Variants in SPAG16 observed in about 807,000 individuals in gnomAD.
The protein encoded by SPAG16 is sperm-associated antigen 16 protein.
A neutral mutation model predicts 80.4 loss-of-function variants in SPAG16; 86 were observed. The ratio of observed to expected loss-of-function variants is 1.07; its 90% confidence interval spans 0.90 to 1.28. The LOEUF is 1.28. Among genes scored for constraint, SPAG16 ranks in the 50% most tolerant of loss-of-function variants. The pLI, the probability that SPAG16 is intolerant of heterozygous loss-of-function variation, is 0.00. For missense variants in SPAG16, 870 were observed against 765.3 expected, an observed-to-expected ratio of 1.14 and a Z score of -1.61; for synonymous variants, 294 against 265.9, an observed-to-expected ratio of 1.11 and a Z score of -1.03.
intron 10 of SPAG16, among the ~76,000 whole-genome samples, chr2:213,639,804 A>G (rs555114292): frequency 6.6e-6 from 1 of 152,104 alleles, no homozygotes; most frequent in Non-Finnish European, 1.5e-5. Context: ...TAGGCCAGGG[A>G]TGTTTTCCTT....
intron 12 of SPAG16, among the ~76,000 whole-genome samples, chr2:213,982,528 A>G (rs540039306): frequency 2.6e-5 from 4 of 152,176 alleles, no homozygotes; most frequent in African/African-American, 7.2e-5. Flanking sequence ...AGGAATGATA[A>G]CAATGACTAT....
rs374274176 is a variant in SPAG16, at chr2:213,980,725, T to TATATATATATATATAGAGAGAGAG, written c.1401-33225_1401-33224insTATATATATATATAGAGAGAGAGA. 2.5e-3 allele frequency among the ~76,000 whole-genome samples: 263 copies of TATATATATATATATAGAGAGAGAG among 103,862 alleles called. 2 individuals carry two copies. Among genetic ancestry groups the TATATATATATATATAGAGAGAGAG allele is most frequent in the Middle Eastern group, 4.8e-3 (1 of 208 alleles). The allele number at this position is 103,862 out of a possible 152,430, so 68.1% of individuals were successfully genotyped here. A position where few individuals can be genotyped will look rare whatever the true frequency, so the allele number is the denominator to read the frequency against. On this transcript the variant is annotated intron_variant, in intron 12 of 15. Coordinates refer to ENST00000331683, the MANE Select transcript of SPAG16 (RefSeq NM_024532.5). ...GTGTGTGTGTGTGTATATATATATA[T>TATATATATATATATAGAGAGAGAG]AGAGAGAGAGAGAGAGAGAGAGAGA...
At chr2:214,059,194 A>C (rs1259788450) in intron 13 of SPAG16, among the ~76,000 whole-genome samples, 8 of 27,236 alleles carry the variant, frequency 2.9e-4, no homozygotes, top group African/African-American at 1.1e-3. Context: ...GTCTATATAT[A>C]TATATATATA....
chr2:214,035,252 G>T (rs1484828521), intron 13 of SPAG16, among the ~76,000 whole-genome samples: 1 of 152,162 alleles, frequency 6.6e-6, no homozygotes, highest in African/African-American at 2.4e-5. Context: ...CCTGAATAAA[G>T]CACAAGTTCC....
chr2:214,124,805 A>G (rs916852836), intron 14 of SPAG16, among the ~76,000 whole-genome samples: 1 of 151,738 alleles, frequency 6.6e-6, no homozygotes, highest in Non-Finnish European at 1.5e-5. Flanking sequence ...CTCTGCAGGG[A>G]AACTGTTTTA....
chr2:213,742,375 A>G (rs920100656), intron 10 of SPAG16, among the ~76,000 whole-genome samples: 2 of 151,996 alleles, frequency 1.3e-5, no homozygotes, highest in African/African-American at 4.8e-5. Context: ...ACTATTGTAT[A>G]TTTTAATTTC....
rs112962805 is a variant in SPAG16, at chr2:213,537,443, G to C, written c.1070+47353G>C. Among the ~76,000 whole-genome samples the C allele has an allele frequency of 7.9e-4, 120 of 151,626 alleles. 2 individuals carry two copies. Among genetic ancestry groups the C allele is most frequent in the Middle Eastern group, 3.4e-3 (1 of 294 alleles). ...TATTTAAGACAATTCATACATTGTT[G>C]TGTTATTTTATTAAAATGATCACAT... On this transcript the variant is annotated intron_variant, in intron 10 of 15. Coordinates refer to ENST00000331683, the MANE Select transcript of SPAG16 (RefSeq NM_024532.5).
At chr2:214,241,931 T>C (rs557644697) in intron 15 of SPAG16, among the ~76,000 whole-genome samples, 1 of 152,298 alleles carries the variant, frequency 6.6e-6, no homozygotes, top group South Asian at 2.1e-4. Context: ...GCTAATAGTA[T>C]TGAAACTTCT....
intron 13 of SPAG16, among the ~76,000 whole-genome samples, chr2:214,106,179 A>G (rs2053373377): frequency 6.6e-6 from 1 of 152,194 alleles, no homozygotes; most frequent in Non-Finnish European, 1.5e-5. Context: ...TTGTAAAAAT[A>G]TTACCACTCA....
intron 12 of SPAG16, among the ~76,000 whole-genome samples, chr2:213,978,957 G>A (rs1177997720): frequency 6.6e-6 from 1 of 151,348 alleles, no homozygotes; most frequent in Non-Finnish European, 1.5e-5. Context: ...TCCTCGGGAA[G>A]TAATAACAGA....
At chr2:213,932,697 G>A (rs1005281913) in intron 12 of SPAG16, among the ~76,000 whole-genome samples, 6 of 152,008 alleles carry the variant, frequency 3.9e-5, no homozygotes, top group African/African-American at 1.5e-4. Context: ...GCAATACTTG[G>A]TAAGACCATC....
intron 10 of SPAG16, among the ~76,000 whole-genome samples, chr2:213,730,223 CA>C (rs1245853010): frequency 6.6e-6 from 1 of 152,176 alleles, no homozygotes; most frequent in African/African-American, 2.4e-5. Flanking sequence ...ATTGTAACAC[CA>C]ACTAGGGAAA....
chr2:214,318,665 C>G (rs144680008), intron 15 of SPAG16, among the ~76,000 whole-genome samples: 3 of 151,978 alleles, frequency 2.0e-5, no homozygotes, highest in African/African-American at 7.2e-5. Flanking sequence ...CATGAGCCAC[C>G]GCGCCCAGCC....
At chr2:214,221,380 C>T (rs1324224321) in intron 15 of SPAG16, among the ~76,000 whole-genome samples, 1 of 151,838 alleles carries the variant, frequency 6.6e-6, no homozygotes, top group Non-Finnish European at 1.5e-5. Flanking sequence ...TCATGCTTGC[C>T]ATTTGTCTCG....
chr2:214,251,620 C>A (rs1322301219), intron 15 of SPAG16, among the ~76,000 whole-genome samples: 3 of 152,054 alleles, frequency 2.0e-5, no homozygotes, highest in Non-Finnish European at 4.4e-5. Context: ...AGTAAGGATG[C>A]ACATTACTGA....
At chr2:213,710,443 G>A (rs2065934877) in intron 10 of SPAG16, among the ~76,000 whole-genome samples, 1 of 152,148 alleles carries the variant, frequency 6.6e-6, no homozygotes, top group Admixed American at 6.5e-5. Flanking sequence ...GTATAAGCAT[G>A]TATCTATGTA....
intron 9 of SPAG16, among the ~76,000 whole-genome samples, chr2:213,401,034 C>G (rs908587460): frequency 6.6e-6 from 1 of 152,122 alleles, no homozygotes; most frequent in Admixed American, 6.5e-5. Flanking sequence ...GTCACAAACT[C>G]CTGGACTCAA....
chr2:213,843,978 T>G (rs1194605564), intron 10 of SPAG16, among the ~76,000 whole-genome samples: 1 of 152,170 alleles, frequency 6.6e-6, no homozygotes, highest in African/African-American at 2.4e-5. Context: ...TTAGGACCAT[T>G]TGCAAAAGCT....
At chr2:214,326,862 G>A (rs2126003673) in intron 15 of SPAG16, among the ~76,000 whole-genome samples, 1 of 147,432 alleles carries the variant, frequency 6.8e-6, no homozygotes, top group East Asian at 2.1e-4. Flanking sequence ...GGAGAATGGT[G>A]TGAACCCAGG....
Sources: gnomAD v4.1 joint callset for allele counts (sites outside exome capture counted in the v4.1 genomes callset) on GRCh38, gnomAD v4.1.1 for gene constraint, MANE v1.5 for transcripts, NCBI Gene and HGNC (gene_info 2026-07-23, HGNC 2026-07-21) for gene names.